The following SHROOM3 variants were observed in gnomAD, a reference collection of about 807,000 sequenced individuals.
SHROOM3 encodes shroom family member 3.
A neutral mutation model predicts 138.6 loss-of-function variants in SHROOM3; 47 were observed. That is an observed-to-expected ratio of 0.34 (90% CI 0.27 to 0.43). The LOEUF (loss-of-function observed/expected upper bound fraction) is 0.43, where lower values mean the gene tolerates loss of function less well. Among genes scored for constraint, SHROOM3 ranks in the 20% least tolerant of loss-of-function variants. The pLI, the probability that SHROOM3 is intolerant of heterozygous loss-of-function variation, is 1.00. For missense variants in SHROOM3, 2,491 were observed against 2,596.5 expected (o/e 0.96, Z 0.88); for synonymous variants, 1,062 against 1,063.3 (o/e 1.00, Z 0.02).
intron 3 of SHROOM3, among the ~76,000 whole-genome samples, chr4:76,723,957 T>C (rs772903470): frequency 2.9e-4 from 44 of 152,212 alleles, no homozygotes; most frequent in Admixed American, 2.9e-3. Flanking sequence ...TCCAAGACCT[T>C]GCAGAGCTCC....
chr4:76,721,681 T>C (rs1720557201), intron 3 of SHROOM3, among the ~76,000 whole-genome samples: 2 of 152,186 alleles, frequency 1.3e-5, no homozygotes, highest in Admixed American at 1.3e-4. Context: ...CAGCTGAATA[T>C]GTATTGTTGA....
Position 76,529,527 on chromosome 4 carries a change from A to G in SHROOM3, c.169-26082A>G, listed in dbSNP as rs193113561. Among the ~76,000 whole-genome samples, 1,010 of 152,172 alleles carry G rather than the reference A, an allele frequency of 6.6e-3. 9 individuals are homozygous for G. Among genetic ancestry groups the G allele is most frequent in the Middle Eastern group, 0.041 (12 of 294 alleles). ...ATTTTAGTAGACACGGGGTTTCACCATGTTAGCCAGGATGGTCTCGATCTC... is the reference window on the plus strand; with the variant it reads ...ATTTTAGTAGACACGGGGTTTCACCGTGTTAGCCAGGATGGTCTCGATCTC... On this transcript the variant is annotated intron_variant, in intron 1 of 10. Coordinates refer to ENST00000296043, the MANE Select transcript of SHROOM3 (RefSeq NM_020859.4).
At chr4:76,531,595 T>C (rs1160606376) in intron 1 of SHROOM3, among the ~76,000 whole-genome samples, 1 of 152,158 alleles carries the variant, frequency 6.6e-6, no homozygotes, top group Admixed American at 6.5e-5. Flanking sequence ...CAGTCATAAT[T>C]GTATTTTTCT....
At chr4:76,775,596 CATATTT>C (rs1341732140) in intron 10 of SHROOM3, among the ~76,000 whole-genome samples, 1 of 151,516 alleles carries the variant, frequency 6.6e-6, no homozygotes, top group Non-Finnish European at 1.5e-5. Flanking sequence ...CTTGCACACT[CATATTT>C]ATAGCAGTAC....
chr4:76,540,830 G>A (rs11722967), intron 1 of SHROOM3, among the ~76,000 whole-genome samples: 16,704 of 152,156 alleles, frequency 0.11, 1,010 homozygotes, highest in East Asian at 0.16. Context: ...AACTATTTTA[G>A]TATGTTAATA....
Position 76,555,618 on chromosome 4 carries a change from G to C in SHROOM3, c.178G>C (p.Gly60Arg), listed in dbSNP as rs140537989. 21 of 1,613,576 alleles carry C rather than the reference G, an allele frequency of 1.3e-5. No homozygotes were observed. The African/African-American group carries it at 2.8e-4, about 22-fold the overall frequency. The change falls in exon 2 of 11, where the codon GGG becomes CGG. Residue 60 changes from glycine to arginine, a missense_variant. Transcript: ENST00000296043. Reference protein sequence around the residue: ...EPLIISKVEEGGKADTLSSKL... With the variant: ...EPLIISKVEERGKADTLSSKL... ...CTCTCCCTCCAAGCAGGTCGAAGAA[G>C]GGGGCAAAGCAGACACCCTGAGCTC...
intron 2 of SHROOM3, among the ~76,000 whole-genome samples, chr4:76,687,872 C>G (rs769621516): frequency 1.3e-5 from 2 of 152,138 alleles, no homozygotes; most frequent in Non-Finnish European, 2.9e-5. Flanking sequence ...GAGATTTCAC[C>G]TGACCCAGAG....
intron 6 of SHROOM3, among the ~76,000 whole-genome samples, chr4:76,753,901 A>C (rs1203659561): frequency 1.3e-5 from 2 of 152,224 alleles, no homozygotes; most frequent in African/African-American, 2.4e-5. Context: ...GGAGAGAAGA[A>C]GGCAGCATTA....
At chr4:76,632,278 C>A (rs1735348211) in intron 2 of SHROOM3, among the ~76,000 whole-genome samples, 1 of 152,104 alleles carries the variant, frequency 6.6e-6, no homozygotes, top group South Asian at 2.1e-4. Context: ...GTTCAAAGGA[C>A]TGGAATCCCT....
rs77078396 is a variant in SHROOM3 at position 76,599,139 on chromosome 4, C to T, written c.323+43376C>T. On this transcript the variant is annotated intron_variant, in intron 2 of 10. Transcript: ENST00000296043. ...GCTCAGTGGGAGATTATCACATCCC[C>T]GTAAAGATCAATAAACCCAAGAACT... is the stretch of plus-strand genomic sequence containing the variant. 2.2e-3 allele frequency among the ~76,000 whole-genome samples: 333 copies of T among 152,084 alleles called. 3 individuals are homozygous for T. Among genetic ancestry groups the T allele is most frequent in the African/African-American group, 7.1e-3 (296 of 41,464 alleles).
chr4:76,766,839 C>T (rs970894146), intron 9 of SHROOM3, among the ~76,000 whole-genome samples: 3 of 152,222 alleles, frequency 2.0e-5, no homozygotes, highest in Admixed American at 6.5e-5. Flanking sequence ...GAGTGACTGA[C>T]GTGACCACTC....
intron 1 of SHROOM3, among the ~76,000 whole-genome samples, chr4:76,470,114 G>C (rs1189949324): frequency 6.6e-6 from 1 of 152,094 alleles, no homozygotes; most frequent in Non-Finnish European, 1.5e-5. Context: ...ACACCTCTAT[G>C]AAGTAGGTCC....
chr4:76,639,508 C>G (rs1370860603), intron 2 of SHROOM3: 2 of 398,342 alleles, frequency 5.0e-6, no homozygotes, highest in African/African-American at 4.1e-5. Flanking sequence ...TCTTCCTCTT[C>G]CCTCTGGGCT....
intron 1 of SHROOM3, among the ~76,000 whole-genome samples, chr4:76,515,585 T>C (rs1226645994): frequency 6.6e-6 from 1 of 152,172 alleles, no homozygotes; most frequent in Non-Finnish European, 1.5e-5. Flanking sequence ...GGTTTTCGAA[T>C]TGTCCTTTGC....
intron 1 of SHROOM3, among the ~76,000 whole-genome samples, chr4:76,504,862 T>G (rs1732177002): frequency 6.6e-6 from 1 of 152,212 alleles, no homozygotes; most frequent in South Asian, 2.1e-4. Flanking sequence ...AGTAGAAATG[T>G]ATGAAGACTC....
At chr4:76,682,879 T>G (rs1327543236) in intron 2 of SHROOM3, among the ~76,000 whole-genome samples, 2 of 152,162 alleles carry the variant, frequency 1.3e-5, no homozygotes, top group African/African-American at 4.8e-5. Context: ...CAATGACAAG[T>G]GAGGAAAATG....
At chr4:76,450,432 T>C (rs1730903133) in intron 1 of SHROOM3, among the ~76,000 whole-genome samples, 1 of 152,196 alleles carries the variant, frequency 6.6e-6, no homozygotes, top group African/African-American at 2.4e-5. Context: ...CAGAGACTCA[T>C]ACTCAAATGT....
intron 1 of SHROOM3, among the ~76,000 whole-genome samples, chr4:76,438,752 T>C (rs987918481): frequency 1.3e-5 from 2 of 152,156 alleles, no homozygotes; most frequent in Non-Finnish European, 2.9e-5. Flanking sequence ...GACTATTTTT[T>C]TTTTTTCATC....
intron 2 of SHROOM3, among the ~76,000 whole-genome samples, chr4:76,612,884 G>A (rs1734793596): frequency 6.6e-6 from 1 of 152,128 alleles, no homozygotes; most frequent in African/African-American, 2.4e-5. Context: ...AGTTTGCAGT[G>A]AGCTATATGA....
Sources: allele counts gnomAD v4.1 joint callset (sites outside exome capture counted in the v4.1 genomes callset), GRCh38; gene constraint gnomAD v4.1.1; transcripts MANE v1.5; gene names NCBI Gene and HGNC (gene_info 2026-07-23, HGNC 2026-07-21).